Variants in DORIP1 observed in about 807,000 individuals in gnomAD.
DORIP1 encodes dopamine receptor interacting protein 1, also known as dopamine receptor-interacting protein 1.
chr14:44,900,796 G>C, the DORIP1 span: 1 of 1,614,074 alleles, frequency 6.2e-7, no homozygotes, highest in East Asian at 2.2e-5. Flanking sequence ...ATACAAATCT[G>C]AAGTCCATAA....
the DORIP1 span, chr14:44,904,426 A>G: frequency 6.2e-7 from 1 of 1,610,408 alleles, no homozygotes; most frequent in Non-Finnish European, 8.5e-7. Context: ...TTCCCAACGA[A>G]TTTTCTGCCA....
the DORIP1 span, chr14:44,900,528 T>G: frequency 6.3e-7 from 1 of 1,598,552 alleles, no homozygotes; most frequent in African/African-American, 1.4e-5. Context: ...CTTGGGGGGG[T>G]GTTTTTACTA....
the DORIP1 span, among the ~76,000 whole-genome samples, chr14:44,898,580 T>A: frequency 2.0e-5 from 3 of 152,248 alleles, no homozygotes; most frequent in African/African-American, 7.2e-5. Context: ...TTTTCGTTTT[T>A]AAAGTATTTG....
chr14:44,897,447 GC>G, the DORIP1 span: 1 of 199,202 alleles, frequency 5.0e-6, no homozygotes, highest in Non-Finnish European at 1.0e-5. Context: ...GGCCGAGACA[GC>G]CGGCGGTACT....
At chr14:44,901,354 G>C in the DORIP1 span, among the ~76,000 whole-genome samples, 41 of 152,246 alleles carry the variant, frequency 2.7e-4, no homozygotes, top group African/African-American at 9.9e-4. Context: ...TGACAATATT[G>C]CCAAAGTATT....
the DORIP1 span, chr14:44,906,910 GATTT>G: frequency 1.3e-5 from 2 of 151,098 alleles, no homozygotes; most frequent in Non-Finnish European, 2.9e-5. Flanking sequence ...ATATCAAACT[GATTT>G]ATTTTACAAA....
chr14:44,902,705 T>C, the DORIP1 span, among the ~76,000 whole-genome samples: 134 of 152,256 alleles, frequency 8.8e-4, no homozygotes, highest in Non-Finnish European at 1.4e-3. Flanking sequence ...TTTTATACTA[T>C]TGAATAAAAT....
the DORIP1 span, chr14:44,899,236 T>G: frequency 6.6e-6 from 1 of 152,234 alleles, no homozygotes; most frequent in Admixed American, 6.5e-5. Flanking sequence ...TTACTGTGGC[T>G]TTAAAAACAA....
At chr14:44,902,479 C>T in the DORIP1 span, among the ~76,000 whole-genome samples, 1 of 152,110 alleles carries the variant, frequency 6.6e-6, no homozygotes, top group African/African-American at 2.4e-5. Context: ...GGGGCATGTA[C>T]CACCATGCCC....
chr14:44,897,833 C>T, the DORIP1 span, among the ~76,000 whole-genome samples: 1 of 152,198 alleles, frequency 6.6e-6, no homozygotes, highest in African/African-American at 2.4e-5. Context: ...GCCTAGCGTC[C>T]GCCTTGTCCC....
the DORIP1 span, chr14:44,904,284 C>T: frequency 2.5e-4 from 372 of 1,469,228 alleles, no homozygotes; most frequent in Non-Finnish European, 2.7e-4. Context: ...CCATTACCTA[C>T]ACCTATAATA....
chr14:44,906,377 A>G, the DORIP1 span: 8 of 152,264 alleles, frequency 5.3e-5, no homozygotes, highest in Non-Finnish European at 8.8e-5. Flanking sequence ...GACTAGCAAT[A>G]GAAATGCACT....
the DORIP1 span, chr14:44,900,894 T>C: frequency 4.3e-6 from 7 of 1,612,782 alleles, no homozygotes; most frequent in Non-Finnish European, 5.1e-6. Context: ...TTCAAGAGAG[T>C]TACTGTTCCA....
At chr14:44,900,814 T>C in the DORIP1 span, 1 of 1,614,124 alleles carries the variant, frequency 6.2e-7, no homozygotes, top group South Asian at 1.1e-5. Context: ...TAAAGCTTCA[T>C]TAATAATTGA....
chr14:44,899,430 C>G, the DORIP1 span: 2 of 152,164 alleles, frequency 1.3e-5, no homozygotes, highest in Admixed American at 1.3e-4. Flanking sequence ...TAGCACAATT[C>G]TCAGTTGCAA....
the DORIP1 span, among the ~76,000 whole-genome samples, chr14:44,901,289 C>T: frequency 6.6e-6 from 1 of 152,168 alleles, no homozygotes; most frequent in Admixed American, 6.6e-5. Flanking sequence ...TGTTTACACA[C>T]TATGAAATCA....
the DORIP1 span, chr14:44,903,997 A>G: frequency 1.0e-6 from 1 of 979,862 alleles, no homozygotes. Context: ...TGAGGAAACA[A>G]TTTGTTCATG....
chr14:44,904,278 T>A, the DORIP1 span: 2 of 1,463,854 alleles, frequency 1.4e-6, no homozygotes, highest in African/African-American at 1.4e-5. Context: ...TATTAACCAT[T>A]ACCTACACCT....
At chr14:44,903,845 C>T in the DORIP1 span, 2 of 984,834 alleles carry the variant, frequency 2.0e-6, no homozygotes, top group East Asian at 1.1e-4. Context: ...AATACTGAAA[C>T]AGATGGTTTT....
Sources: allele counts gnomAD v4.1 joint callset (sites outside exome capture counted in the v4.1 genomes callset), GRCh38; gene constraint gnomAD v4.1.1; transcripts MANE v1.5; gene names NCBI Gene and HGNC (gene_info 2026-07-23, HGNC 2026-07-21).